NCAM1: variants seen among roughly 807,000 people sequenced by gnomAD.
The protein encoded by NCAM1 is neural cell adhesion molecule 1.
NCAM1 carries 14 observed loss-of-function variants against 109.8 expected under a neutral mutation model. The observed-to-expected ratio is 0.13, with a 90% CI of 0.08 to 0.20. The LOEUF (loss-of-function observed/expected upper bound fraction) is 0.20. NCAM1 is among the 10% of genes least tolerant of loss of function. The pLI, the probability that NCAM1 is intolerant of heterozygous loss-of-function variation, is 1.00. For missense variants in NCAM1, 774 were observed against 1,109.9 expected, an observed-to-expected ratio of 0.70 and a Z score of 4.30; for synonymous variants, 418 against 442.9, an observed-to-expected ratio of 0.94 and a Z score of 0.70.
intron 1 of NCAM1, among the ~76,000 whole-genome samples, chr11:113,152,614 T>C (rs782082605): frequency 6.6e-6 from 1 of 152,244 alleles, no homozygotes; most frequent in Non-Finnish European, 1.5e-5. Context: ...CTTTATGAAA[T>C]TGGCTCAGAT....
intron 7 of NCAM1, among the ~76,000 whole-genome samples, chr11:113,213,242 T>C (rs886872777): frequency 1.3e-5 from 2 of 152,192 alleles, no homozygotes; most frequent in African/African-American, 4.8e-5. Flanking sequence ...TTTGGTTCAT[T>C]TGTTTGTTTC....
chr11:112,991,057 C>T (rs4456284), intron 1 of NCAM1, among the ~76,000 whole-genome samples: 19,420 of 151,954 alleles, frequency 0.13, 1,347 homozygotes, highest in East Asian at 0.32. Context: ...GTTTTCTGCA[C>T]GTGTTTTGCC....
intron 7 of NCAM1, among the ~76,000 whole-genome samples, chr11:113,210,954 A>G (rs1205769261): frequency 6.6e-6 from 1 of 152,222 alleles, no homozygotes; most frequent in Admixed American, 6.5e-5. Context: ...GAGTCCACAC[A>G]GAATGGGAAT....
At chr11:113,147,072 T>G (rs1405010532) in intron 1 of NCAM1, among the ~76,000 whole-genome samples, 1 of 152,170 alleles carries the variant, frequency 6.6e-6, no homozygotes, top group Non-Finnish European at 1.5e-5. Context: ...GCTACCAAAT[T>G]CTTTTGAAAA....
chr11:113,000,385 G>A (rs1951714692), intron 1 of NCAM1, among the ~76,000 whole-genome samples: 1 of 152,100 alleles, frequency 6.6e-6, no homozygotes, highest in South Asian at 2.1e-4. Flanking sequence ...TAAAATTGGG[G>A]TAAGATTGCC....
intron 1 of NCAM1, among the ~76,000 whole-genome samples, chr11:113,148,844 G>C (rs532226657): frequency 2.0e-5 from 3 of 152,202 alleles, no homozygotes; most frequent in African/African-American, 2.4e-5. Flanking sequence ...CCTCTGCTGC[G>C]CTGCTTCTCT....
At chr11:113,207,405 C>A in intron 6 of NCAM1, 27 bp downstream of exon 6, 1 of 1,570,996 alleles carries the variant, frequency 6.4e-7, no homozygotes, top group African/African-American at 1.3e-5. Context: ...TACCTTTTAT[C>A]ATGGACTAGA....
chr11:113,093,598 C>T (rs1243830190), intron 1 of NCAM1, among the ~76,000 whole-genome samples: 2 of 152,144 alleles, frequency 1.3e-5, no homozygotes, highest in African/African-American at 4.8e-5. Context: ...TGGAAGGCTT[C>T]CCTTTGAAAG....
Position 113,202,463 on chromosome 11 carries a change from T to C in NCAM1, c.127+10T>C, listed in dbSNP as rs2136895871. 1.2e-6 allele frequency: 2 copies of C among 1,604,538 alleles called. No individual in the cohort carries two copies. Among genetic ancestry groups the C allele is most frequent in the Non-Finnish European group, 1.7e-6 (2 of 1,176,736 alleles). ...TTCTTCTTATGCCAAGGCAAGTGCC[T>C]AGTGCTCAGCTGCATTTTAGAACTT... On this transcript the variant is annotated intron_variant, in intron 2 of 19. Transcript: ENST00000316851.
chr11:113,135,837 T>G (rs888583895), intron 1 of NCAM1, among the ~76,000 whole-genome samples: 1 of 152,080 alleles, frequency 6.6e-6, no homozygotes, highest in East Asian at 1.9e-4. Context: ...GGATAACAGG[T>G]TTTCTGGCAT....
rs149984777 is a variant in NCAM1 at position 113,022,501 on chromosome 11, G to A, written c.52+60837G>A. ...AGCCAGCGGCTTCATATAAACTTGC[G>A]CAATAGTATTACAGATCCTACTTTT... On this transcript the variant is annotated intron_variant, in intron 1 of 19. Transcript: ENST00000316851. Among the ~76,000 whole-genome samples, 562 of 152,240 alleles carry A rather than the reference G, an allele frequency of 3.7e-3. 4 individuals are homozygous for A. The highest frequency in any genetic ancestry group is 0.013 in the African/African-American group (521 of 41,542).
At chr11:113,270,632 T>TC in intron 18 of NCAM1, 1 of 547,850 alleles carries the variant, frequency 1.8e-6, no homozygotes, top group South Asian at 2.2e-5. Flanking sequence ...TATTAGAATC[T>TC]CCCCAGAGTG....
At chr11:113,027,308 T>G (rs947976927) in intron 1 of NCAM1, among the ~76,000 whole-genome samples, 2 of 152,182 alleles carry the variant, frequency 1.3e-5, no homozygotes, top group Non-Finnish European at 2.9e-5. Context: ...TAAGTGGAAA[T>G]GGCTAAAAGG....
intron 9 of NCAM1, among the ~76,000 whole-genome samples, chr11:113,229,880 CA>C (rs1299178146): frequency 3.3e-5 from 5 of 151,378 alleles, no homozygotes; most frequent in African/African-American, 1.2e-4. Flanking sequence ...GGGAATTGAA[CA>C]ATGAGAACAC....
At chr11:113,224,657 G>A (rs550470745) in intron 9 of NCAM1, among the ~76,000 whole-genome samples, 8 of 152,352 alleles carry the variant, frequency 5.3e-5, no homozygotes, top group South Asian at 2.1e-4. Flanking sequence ...CCTGACCCCC[G>A]AGTAGCCTAA....
intron 1 of NCAM1, among the ~76,000 whole-genome samples, chr11:112,996,839 C>T (rs1446614937): frequency 6.6e-6 from 1 of 152,174 alleles, no homozygotes; most frequent in Non-Finnish European, 1.5e-5. Context: ...TCCAAGGGAC[C>T]CCGTCCCTTT....
At chr11:113,153,449 A>AGAGT (rs1225113451) in intron 1 of NCAM1, among the ~76,000 whole-genome samples, 7 of 131,662 alleles carry the variant, frequency 5.3e-5, no homozygotes, top group African/African-American at 2.5e-4. Flanking sequence ...ACAGAGACAG[A>AGAGT]GAGTGAGAGA....
At chr11:113,059,112 A>G (rs543368080) in intron 1 of NCAM1, among the ~76,000 whole-genome samples, 4 of 152,344 alleles carry the variant, frequency 2.6e-5, no homozygotes, top group African/African-American at 9.6e-5. Flanking sequence ...TGCCTATGAC[A>G]AGGTGATTGA....
intron 1 of NCAM1, among the ~76,000 whole-genome samples, chr11:113,114,805 G>C (rs1345470211): frequency 6.6e-6 from 1 of 152,208 alleles, no homozygotes; most frequent in Non-Finnish European, 1.5e-5. Flanking sequence ...CAAGGCTGGA[G>C]AATCAACAGT....
Sources: gnomAD v4.1 joint callset for allele counts (sites outside exome capture counted in the v4.1 genomes callset) on GRCh38, gnomAD v4.1.1 for gene constraint, MANE v1.5 for transcripts, NCBI Gene and HGNC (gene_info 2026-07-23, HGNC 2026-07-21) for gene names.